PP2D1: variants seen among roughly 807,000 people sequenced by gnomAD.
PP2D1 encodes the protein protein phosphatase 2C like domain containing 1.
In PP2D1, 25 loss-of-function variants were observed where a neutral mutation model predicts 30.2. The ratio of observed to expected loss-of-function variants is 0.83; its 90% CI spans 0.60 to 1.16. The LOEUF is 1.16. Ranked by LOEUF, PP2D1 falls within the 50% of genes most tolerant of loss-of-function variation. The probability of loss-of-function intolerance (pLI) is 0.00; values close to 1 mark genes in which losing one functional copy is unlikely to be tolerated. For missense variants in PP2D1, 760 were observed against 742.4 expected (o/e 1.02, Z -0.28); for synonymous variants, 260 against 258.9 (o/e 1.00, Z -0.04).
At chr3:19,984,183 T>G, downstream of PP2D1, 1 of 402,278 alleles carries the variant, frequency 2.5e-6, no homozygotes, top group Non-Finnish European at 4.8e-6. Context: ...GAAAAAAAAA[T>G]TGGAACTTAC....
chr3:19,998,607 C>T (rs1697212235), intron 2 of PP2D1, among the ~76,000 whole-genome samples: 1 of 152,058 alleles, frequency 6.6e-6, no homozygotes. Context: ...AATAGATAAA[C>T]ATTTTTAAAA....
downstream of PP2D1, chr3:19,983,792 A>G: frequency 2.5e-6 from 4 of 1,610,978 alleles, no homozygotes; most frequent in Non-Finnish European, 3.4e-6. Context: ...GAACCCACAC[A>G]ACCAACCAGG....
At chr3:19,989,645 T>A (rs1170149337) in intron 2 of PP2D1, among the ~76,000 whole-genome samples, 1 of 152,246 alleles carries the variant, frequency 6.6e-6, no homozygotes, top group Non-Finnish European at 1.5e-5. Context: ...CAACATGAAG[T>A]GGCACTTAAT....
At chr3:19,980,376 ACTT>A (rs1257460284), downstream of PP2D1, among the ~76,000 whole-genome samples, 2 of 152,090 alleles carry the variant, frequency 1.3e-5, no homozygotes, top group African/African-American at 4.8e-5. Flanking sequence ...AGAATGTTGC[ACTT>A]CTTAAAAGAA....
At chr3:20,002,917 T>A (rs997800869) in intron 1 of PP2D1, among the ~76,000 whole-genome samples, 4 of 152,006 alleles carry the variant, frequency 2.6e-5, no homozygotes, top group African/African-American at 9.7e-5. Flanking sequence ...TAGCTGGGCA[T>A]GGTGGCAGGT....
At chr3:19,983,677 ATATTC>A, downstream of PP2D1, 1 of 1,427,146 alleles carries the variant, frequency 7.0e-7, no homozygotes, top group African/African-American at 1.4e-5. Context: ...GAGTATTCAA[ATATTC>A]TATTTATTTG....
At chr3:19,990,648 T>C (rs1044090917) in intron 2 of PP2D1, among the ~76,000 whole-genome samples, 2 of 152,134 alleles carry the variant, frequency 1.3e-5, no homozygotes, top group African/African-American at 4.8e-5. Flanking sequence ...TGGCATATGC[T>C]GTCAGCTACA....
chr3:19,983,421 G>T (rs1404805043), downstream of PP2D1, among the ~76,000 whole-genome samples: 4 of 151,608 alleles, frequency 2.6e-5, no homozygotes, highest in Non-Finnish European at 2.9e-5. Flanking sequence ...GAGTGAATCG[G>T]TATAGAGAAT....
At chr3:19,983,424 T>C (rs1696970993), downstream of PP2D1, among the ~76,000 whole-genome samples, 1 of 151,302 alleles carries the variant, frequency 6.6e-6, no homozygotes, top group African/African-American at 2.4e-5. Flanking sequence ...TGAATCGGTA[T>C]AGAGAATTAC....
chr3:20,004,163 A>G (rs9855386), intron 1 of PP2D1, among the ~76,000 whole-genome samples: 24,275 of 152,140 alleles, frequency 0.16, 2,119 homozygotes, highest in Non-Finnish European at 0.21. Context: ...TATTCTTTGT[A>G]CAATGTCTTA....
chr3:20,007,311 A>G (rs1020304873), intron 1 of PP2D1, among the ~76,000 whole-genome samples: 1 of 152,128 alleles, frequency 6.6e-6, no homozygotes, highest in African/African-American at 2.4e-5. Context: ...TTTAGGAGGT[A>G]TTTTGGGAAT....
At chr3:19,989,661 AACT>A (rs1243400418) in intron 2 of PP2D1, among the ~76,000 whole-genome samples, 3 of 152,248 alleles carry the variant, frequency 2.0e-5, no homozygotes, top group Admixed American at 2.0e-4. Flanking sequence ...TTAATGTGAC[AACT>A]GAGTAAATGG....
In PP2D1 at chr3:20,001,669, C is replaced by A. The variant is rs1407785553; in HGVS notation, c.451G>T (p.Asp151Tyr). The A allele has an allele frequency of 5.2e-6, 8 of 1,535,594 alleles. No individual in the cohort carries two copies. The South Asian group carries it at 8.3e-5, about 16-fold the overall frequency. The change falls in exon 2 of 3, where the codon GAT (aspartate) becomes TAT (tyrosine). Residue 151 changes from aspartate (D) to tyrosine (Y), a missense_variant. Transcript: ENST00000389050. ...TATATGACACTCCTGTCAATGTTAT[C>A]AAAAATCTTATAGTATGCTGGTATT... ...KQIPAYYKIF[D>Y]NIDRSVIYSQ...
At chr3:19,980,445 A>AT (rs11441052), downstream of PP2D1, among the ~76,000 whole-genome samples, 124,053 of 148,140 alleles carry the variant, frequency 0.84, 52,926 homozygotes, top group African/African-American at 0.9. Context: ...AGGTTAGTAA[A>AT]TTTTTTTTTC....
chr3:19,985,386 C>T lies in PP2D1; in HGVS notation c.1887G>A (p.Leu629=). Residue 629 remains leucine, a synonymous_variant, in exon 3 of 3, where the codon CTG becomes CTA. Coordinates refer to ENST00000389050, the MANE Select transcript of PP2D1 (RefSeq NM_001252657.2). Reference sequence around the variant, plus strand: ...TAATTGGAACTTTATTTTTTTATGTCAGAAGCTGATATTCACTTCCATTGA... The same window carrying T: ...TAATTGGAACTTTATTTTTTTATGTTAGAAGCTGATATTCACTTCCATTGA... ...IFLNGSEYQL[L]T is the part of the protein sequence containing the mutation. 1.3e-6 allele frequency: 2 copies of T among 1,521,786 alleles called. No homozygotes were observed. The highest frequency in any genetic ancestry group is 1.4e-5 in the African/African-American group (1 of 72,380). 94.3% of individuals were successfully genotyped at this position (1,521,786 alleles called of 1,614,324 possible). A position where few individuals can be genotyped will look rare whatever the true frequency, so the allele number is the denominator to read the frequency against.
intron 2 of PP2D1, among the ~76,000 whole-genome samples, chr3:19,995,537 G>C (rs1458979814): frequency 2.0e-5 from 3 of 152,172 alleles, no homozygotes; most frequent in Admixed American, 2.0e-4. Context: ...AATGTTTGCT[G>C]TTTTAAGCCA....
At chr3:19,986,962 G>A (rs139560026) in intron 2 of PP2D1, among the ~76,000 whole-genome samples, 33 of 151,760 alleles carry the variant, frequency 2.2e-4, no homozygotes, top group African/African-American at 6.3e-4. Context: ...GCTTGAACCC[G>A]GGAGGTGGAG....
In PP2D1 at chr3:19,985,984, T is replaced by G. The variant is rs1414241322; in HGVS notation, c.1289A>C (p.Lys430Thr). The change falls in exon 3 of 3, where the codon AAA (lysine) becomes ACA (threonine). Residue 430 changes from lysine (K) to threonine (T), a missense_variant. Transcript: ENST00000389050. ...AGTTTGAGGTGCTGGGATAATGGAT[T>G]TTTTCAGCTTGAGATTTCCATGAAA... ...LGFHGNLKLK[K>T]SIIPAPQTIS... The G allele has an allele frequency of 6.5e-7, 1 of 1,536,100 alleles. No individual in the cohort carries two copies. Among genetic ancestry groups the G allele is most frequent in the Admixed American group, 2.0e-5 (1 of 50,998 alleles).
chr3:19,990,028 G>A (rs1420116421), intron 2 of PP2D1, among the ~76,000 whole-genome samples: 1 of 152,116 alleles, frequency 6.6e-6, no homozygotes, highest in East Asian at 1.9e-4. Flanking sequence ...GTGCTACAGA[G>A]TAGGACATAC....
Sources: gnomAD v4.1 joint callset for allele counts (sites outside exome capture counted in the v4.1 genomes callset) on GRCh38, gnomAD v4.1.1 for gene constraint, MANE v1.5 for transcripts, NCBI Gene and HGNC (gene_info 2026-07-23, HGNC 2026-07-21) for gene names.